ZNF333: variants seen among roughly 807,000 people sequenced by gnomAD.
The protein encoded by ZNF333 is zinc finger protein 333.
In ZNF333, 61 loss-of-function variants were observed where a neutral mutation model predicts 76.1. That is an observed-to-expected ratio of 0.80 (90% CI 0.65 to 0.99). The LOEUF (loss-of-function observed/expected upper bound fraction) is 0.99, where lower values mean the gene tolerates loss of function less well. ZNF333 is among the 50% of genes least tolerant of loss of function. The pLI, the probability that ZNF333 is intolerant of heterozygous loss-of-function variation, is 0.00. For synonymous variants in ZNF333, 284 were observed against 305.0 expected (o/e 0.93, Z 0.72); for missense variants, 717 against 822.4 (o/e 0.87, Z 1.57).
chr19:14,715,337 A>T lies in ZNF333; in HGVS notation c.512-45A>T, dbSNP rs774614997. The stretch of plus-strand genomic sequence containing the variant: ...AGACTTGGGGCCTGTGAGTGTGCCC[A>T]GTAGGCCAGGCACCAACCCTCATGC... On this transcript the variant is annotated intron_variant, in intron 7 of 11. Coordinates refer to ENST00000292530, the MANE Select transcript of ZNF333 (RefSeq NM_032433.4). 7 of 1,583,358 alleles carry T rather than the reference A, an allele frequency of 4.4e-6. No individual in the cohort carries two copies. In the Admixed American group the frequency reaches 1.2e-4, roughly 27 times the overall value.
chr19:14,701,380 C>T (rs1378596534), intron 5 of ZNF333, among the ~76,000 whole-genome samples: 1 of 152,196 alleles, frequency 6.6e-6, no homozygotes. Context: ...GCTGGGACTA[C>T]AGGCACGCAC....
intron 5 of ZNF333, 179 bp downstream of exon 5, chr19:14,699,460 C>G: frequency 1.9e-6 from 1 of 537,808 alleles, no homozygotes; most frequent in Non-Finnish European, 3.3e-6. Flanking sequence ...GACTGTTGCT[C>G]AAGACTTTTT....
downstream of ZNF333, among the ~76,000 whole-genome samples, chr19:14,722,157 G>C (rs2147034283): frequency 6.6e-6 from 1 of 152,314 alleles, no homozygotes; most frequent in Non-Finnish European, 1.5e-5. Flanking sequence ...GGTTTAATTT[G>C]CATATTCTTG....
exon 12 of ZNF333, chr19:14,731,194 G>A (rs571970639): frequency 5.1e-4 from 785 of 1,533,782 alleles, no homozygotes; most frequent in Non-Finnish European, 6.4e-4. Flanking sequence ...TAATTTGGAA[G>A]AATTTCCACA....
At chr19:14,728,330 G>A (rs577260659) in intron 11 of ZNF333, among the ~76,000 whole-genome samples, 38 of 152,248 alleles carry the variant, frequency 2.5e-4, no homozygotes, top group Non-Finnish European at 4.6e-4. Flanking sequence ...CAGAAACCTC[G>A]CTGCTTAGTG....
downstream of ZNF333, among the ~76,000 whole-genome samples, chr19:14,726,364 G>A (rs1340408485): frequency 1.3e-5 from 2 of 152,150 alleles, no homozygotes. Context: ...TTTTCCTTTT[G>A]TCTTGGATCT....
At chr19:14,718,154 A>T in intron 11 of ZNF333, 74 bp from the exon 12 acceptor site, 1 of 1,524,580 alleles carries the variant, frequency 6.6e-7, no homozygotes, top group Non-Finnish European at 8.7e-7. Context: ...TTTTTCTTAC[A>T]TTCATTTCAC....
intron 6 of ZNF333, 37 bp from the exon 7 acceptor site, chr19:14,706,649 C>G (rs199764746): frequency 6.5e-5 from 103 of 1,588,718 alleles, no homozygotes; most frequent in Admixed American, 8.4e-5. Context: ...CCCTCAGCTT[C>G]TTGACTCTAA....
intron 7 of ZNF333, among the ~76,000 whole-genome samples, chr19:14,712,376 C>T (rs140148320): frequency 0.013 from 2,019 of 152,034 alleles, 36 homozygotes; most frequent in African/African-American, 0.045. Context: ...TGTGCCACCA[C>T]GCCCAGCTAA....
rs1314612705 is a variant in ZNF333 at position 14,719,514 on chromosome 19, G to A, written c.*189G>A. 9.3e-7 allele frequency: 1 copy of A among 1,072,968 alleles called. No homozygotes were observed. Among genetic ancestry groups the A allele is most frequent in the Non-Finnish European group, 1.3e-6 (1 of 781,564 alleles). The allele number at this position is 1,072,968 out of a possible 1,614,324, so 66.5% of individuals were successfully genotyped here. A position where few individuals can be genotyped will look rare whatever the true frequency, so the allele number is the denominator to read the frequency against. On this transcript the variant is annotated 3_prime_UTR_variant, in exon 12 of 12. Transcript: ENST00000292530. ...GAATTAGATTTTTCAAAACTAATAT[G>A]TGGATATATTTTCATAGAGGTATAA...
chr19:14,726,159 A>C (rs768123851), downstream of ZNF333, among the ~76,000 whole-genome samples: 2 of 152,188 alleles, frequency 1.3e-5, no homozygotes, highest in Non-Finnish European at 2.9e-5. Flanking sequence ...GCAGAGCTGC[A>C]ACCCAAGCTA....
chr19:14,733,405 G>A (rs950662492), exon 12 of ZNF333: 2 of 152,164 alleles, frequency 1.3e-5, no homozygotes, highest in Non-Finnish European at 2.9e-5. Flanking sequence ...AAGTCTCTTG[G>A]GTAACTGCCA....
intron 10 of ZNF333, 75 bp downstream of exon 10, chr19:14,717,164 A>T: frequency 8.0e-7 from 1 of 1,251,166 alleles, no homozygotes; most frequent in South Asian, 1.3e-5. Flanking sequence ...CTGTCTTATC[A>T]GGGCAACCTA....
intron 5 of ZNF333, 143 bp downstream of exon 5, chr19:14,699,424 G>A (rs1191896347): frequency 2.9e-6 from 2 of 693,286 alleles, no homozygotes; most frequent in East Asian, 2.7e-5. Flanking sequence ...GGGAGTGCCT[G>A]TGACTTCTGA....
exon 12 of ZNF333, chr19:14,733,589 AC>A (rs2042699389): frequency 7.0e-6 from 1 of 142,746 alleles, no homozygotes; most frequent in Admixed American, 6.9e-5. Flanking sequence ...TATAAGCACA[AC>A]AAAAAAAACA....
rs868586937 is a variant in ZNF333 at position 14,719,232 on chromosome 19, A to G, written c.1905A>G (p.Val635=). 7 of 1,614,252 alleles carry G rather than the reference A, an allele frequency of 4.3e-6. No individual in the cohort carries two copies. The Middle Eastern group carries it at 4.9e-4, about 114-fold the overall frequency. Reference sequence around the variant, plus strand: ...TCAGGCACAGCTCCTCACTCACTGTACACAAAAGAACCCATGTGGGAAGAG... The same window carrying G: ...TCAGGCACAGCTCCTCACTCACTGTGCACAAAAGAACCCATGTGGGAAGAG... ...KAFRHSSSLT[V]HKRTHVGRET... is the part of the protein sequence containing the mutation. The change falls in exon 12 of 12, where the codon GTA becomes GTG. Residue 635 remains valine, a synonymous_variant. Transcript: ENST00000292530.
At chr19:14,699,424 G>C in intron 5 of ZNF333, 143 bp downstream of exon 5, 1 of 693,290 alleles carries the variant, frequency 1.4e-6, no homozygotes. Flanking sequence ...GGGAGTGCCT[G>C]TGACTTCTGA....
chr19:14,718,804 C>T lies in ZNF333; in HGVS notation c.1477C>T (p.Leu493=). ...CGKAFREHSS[L]KTHLRTHTRE... The stretch of plus-strand genomic sequence containing the variant: ...GAAAGCCTTCAGGGAACACTCTTCA[C>T]TGAAGACACATCTGCGAACCCATAC... Residue 493 remains leucine, a synonymous_variant, in exon 12 of 12, where the codon CTG becomes TTG. Transcript: ENST00000292530. 1 of 1,614,138 alleles carries T rather than the reference C, an allele frequency of 6.2e-7. No individual in the cohort carries two copies. Among genetic ancestry groups the T allele is most frequent in the Non-Finnish European group, 8.5e-7 (1 of 1,180,030 alleles).
chr19:14,706,556 GTC>G (rs2042115493), intron 6 of ZNF333, 128 bp from the exon 7 acceptor site: 1 of 754,570 alleles, frequency 1.3e-6, no homozygotes, highest in Non-Finnish European at 2.3e-6. Flanking sequence ...AGGTAAATGG[GTC>G]TCTCTCTTCT....
Sources: gnomAD v4.1 joint callset for allele counts (sites outside exome capture counted in the v4.1 genomes callset) on GRCh38, gnomAD v4.1.1 for gene constraint, MANE v1.5 for transcripts, NCBI Gene and HGNC (gene_info 2026-07-23, HGNC 2026-07-21) for gene names.